Variants in MAP2K4 observed in about 807,000 individuals in gnomAD.
MAP2K4 encodes dual specificity mitogen-activated protein kinase kinase 4.
MAP2K4 carries 4 observed loss-of-function variants against 48.5 expected under a neutral mutation model. The ratio of observed to expected loss-of-function variants is 0.08; its 90% CI spans 0.04 to 0.19. The LOEUF is 0.19. Ranked by LOEUF, MAP2K4 falls within the 10% of genes least tolerant of loss-of-function variation. The probability of loss-of-function intolerance (pLI) is 1.00; values close to 1 mark genes in which losing one functional copy is unlikely to be tolerated. For missense variants in MAP2K4, 258 were observed against 493.3 expected (o/e 0.52, Z 4.52); for synonymous variants, 166 against 173.1 (o/e 0.96, Z 0.32).
chr17:12,052,492 TA>T (rs1285634190), intron 1 of MAP2K4, among the ~76,000 whole-genome samples: 1 of 152,232 alleles, frequency 6.6e-6, no homozygotes, highest in Non-Finnish European at 1.5e-5. Flanking sequence ...TGTTGTAATA[TA>T]TTTTATTGTT....
At chr17:12,116,741 C>T (rs909168787) in intron 7 of MAP2K4, among the ~76,000 whole-genome samples, 6 of 152,194 alleles carry the variant, frequency 3.9e-5, no homozygotes, top group East Asian at 1.9e-4. Flanking sequence ...GGCAGTAACA[C>T]GCAGGGAGCT....
Position 12,135,792 on chromosome 17 carries a change from C to T in MAP2K4, c.1041-4047C>T, listed in dbSNP as rs113716084. Among the ~76,000 whole-genome samples the T allele has an allele frequency of 6.2e-4, 95 of 152,252 alleles. 1 individual carries two copies. The highest frequency in any genetic ancestry group is 7.7e-4 in the East Asian group (4 of 5,174). ...CTCGAACTCCTGACCTCAGGTGATC[C>T]GCCTGCCTCAGCCTCCCAAAGTTCT... On this transcript the variant is annotated intron_variant, in intron 9 of 10. Transcript: ENST00000353533.
At chr17:12,125,178 C>G (rs1469680952) in intron 7 of MAP2K4, 116 bp from the exon 8 acceptor site, 5 of 734,146 alleles carry the variant, frequency 6.8e-6, no homozygotes, top group Non-Finnish European at 1.0e-5. Flanking sequence ...TGACGCTAGA[C>G]ATGGATTCCT....
chr17:12,078,773 T>A, intron 2 of MAP2K4, among the ~76,000 whole-genome samples: 1 of 152,212 alleles, frequency 6.6e-6, no homozygotes, highest in Non-Finnish European at 1.5e-5. Flanking sequence ...AGAAATTGAT[T>A]GACTCCAGAG....
intron 8 of MAP2K4, among the ~76,000 whole-genome samples, chr17:12,128,366 TG>T (rs1213111076): frequency 6.6e-6 from 1 of 152,238 alleles, no homozygotes; most frequent in East Asian, 1.9e-4. Context: ...CGTGAGCCAC[TG>T]TGCCCGGCCT....
At chr17:12,068,710 C>T (rs1239767382) in intron 2 of MAP2K4, among the ~76,000 whole-genome samples, 1 of 151,302 alleles carries the variant, frequency 6.6e-6, no homozygotes, top group Non-Finnish European at 1.5e-5. Flanking sequence ...TTTGAGGGAC[C>T]TGTGACATTT....
At chr17:12,109,156 G>A (rs1481950700) in intron 5 of MAP2K4, among the ~76,000 whole-genome samples, 2 of 152,100 alleles carry the variant, frequency 1.3e-5, no homozygotes. Flanking sequence ...GCTTTGAAGT[G>A]TGTAAGTGGT....
At chr17:12,036,189 T>C (rs1339758472) in intron 1 of MAP2K4, among the ~76,000 whole-genome samples, 4 of 152,178 alleles carry the variant, frequency 2.6e-5, no homozygotes, top group Non-Finnish European at 5.9e-5. Context: ...AAGACCATAG[T>C]GTCATGTTTC....
At chr17:12,078,137 G>T (rs1310521854) in intron 2 of MAP2K4, among the ~76,000 whole-genome samples, 1 of 152,188 alleles carries the variant, frequency 6.6e-6, no homozygotes, top group Non-Finnish European at 1.5e-5. Context: ...TAGCCTTTTA[G>T]CTGGGTGCAT....
intron 1 of MAP2K4, among the ~76,000 whole-genome samples, chr17:12,022,274 A>G (rs904250922): frequency 2.0e-5 from 3 of 152,224 alleles, no homozygotes; most frequent in South Asian, 2.1e-4. Flanking sequence ...TAATATACAT[A>G]AAAACCAGTG....
At chr17:12,072,999 A>G (rs1970870264) in intron 2 of MAP2K4, among the ~76,000 whole-genome samples, 1 of 152,188 alleles carries the variant, frequency 6.6e-6, no homozygotes, top group South Asian at 2.1e-4. Context: ...TGTAAAAGCA[A>G]TCTGAGGTTT....
At chr17:12,135,401 A>T (rs1458497996) in intron 9 of MAP2K4, among the ~76,000 whole-genome samples, 5 of 151,754 alleles carry the variant, frequency 3.3e-5, no homozygotes, top group African/African-American at 4.8e-5. Context: ...CTAATTTCTT[A>T]AAAAAATTTT....
intron 2 of MAP2K4, among the ~76,000 whole-genome samples, chr17:12,069,196 T>G (rs780083389): frequency 6.6e-6 from 1 of 152,182 alleles, no homozygotes; most frequent in Non-Finnish European, 1.5e-5. Context: ...GAGATACACT[T>G]TAAACTACTC....
At chr17:12,096,852 A>G (rs1971773743) in intron 4 of MAP2K4, among the ~76,000 whole-genome samples, 1 of 152,168 alleles carries the variant, frequency 6.6e-6, no homozygotes. Context: ...GTAACAACAC[A>G]TTCTGCTTCA....
chr17:12,033,517 A>G (rs1597396079), intron 1 of MAP2K4, among the ~76,000 whole-genome samples: 1 of 152,220 alleles, frequency 6.6e-6, no homozygotes, highest in Non-Finnish European at 1.5e-5. Flanking sequence ...TCAAGCAGTT[A>G]GACCCTAGGA....
At chr17:12,110,989 G>C (rs1972286315) in intron 6 of MAP2K4, among the ~76,000 whole-genome samples, 1 of 152,296 alleles carries the variant, frequency 6.6e-6, no homozygotes, top group East Asian at 1.9e-4. Flanking sequence ...ACCTAGAAAA[G>C]TAGTAACCCT....
At position 12,081,327 on chromosome 17, in the gene MAP2K4, G is replaced by A. The variant is rs1361477893; in HGVS notation, c.219-29G>A. 6.4e-7 allele frequency: 1 copy of A among 1,565,362 alleles called. No homozygotes were observed. Among genetic ancestry groups the A allele is most frequent in the Admixed American group, 2.0e-5 (1 of 51,036 alleles). On this transcript the variant is annotated intron_variant, in intron 2 of 10. Transcript: ENST00000353533. The surrounding 1 kb of genome is among the most constrained non-coding windows in gnomAD (Gnocchi z 4.2). ...AAAAGTTAAAACCTATTTAAAATGT[G>A]GAAAAATTGCTTCCCAATATTTTAA...
In MAP2K4 at chr17:12,107,382, CTTTTTT is replaced by C. The variant is rs71367383; in HGVS notation, c.514-394_514-389del. On this transcript the variant is annotated intron_variant, in intron 4 of 10. Coordinates refer to ENST00000353533, the MANE Select transcript of MAP2K4 (RefSeq NM_003010.4). ...TACTTTATGTATTTTTGTCTTTTTCCTTTTTTTTTTTTTTTTTTTGGCTAATTTAAG... is the reference window on the plus strand; with the variant it reads ...TACTTTATGTATTTTTGTCTTTTTCCTTTTTTTTTTTTTGGCTAATTTAAG... 2.8e-5 allele frequency among the ~76,000 whole-genome samples: 3 copies of C among 106,384 alleles called. No homozygotes were observed. The South Asian group carries it at 9.3e-4, about 33-fold the overall frequency. The allele number at this position is 106,384 out of a possible 152,430, so 69.8% of individuals were successfully genotyped here. A position where few individuals can be genotyped will look rare whatever the true frequency, so the allele number is the denominator to read the frequency against.
chr17:12,046,169 A>T (rs1158935651), intron 1 of MAP2K4, among the ~76,000 whole-genome samples: 2 of 152,132 alleles, frequency 1.3e-5, no homozygotes, highest in African/African-American at 4.8e-5. Context: ...AGAACTATTA[A>T]CACATTCTCT....
Sources: gnomAD v4.1 joint callset for allele counts (sites outside exome capture counted in the v4.1 genomes callset) on GRCh38, gnomAD v4.1.1 for gene constraint, Gnocchi (gnomAD v3.1) non-coding constraint, MANE v1.5 for transcripts, NCBI Gene and HGNC (gene_info 2026-07-23, HGNC 2026-07-21) for gene names.